The following MMP26 variants were observed in gnomAD, a reference collection of about 807,000 sequenced individuals.
MMP26 encodes the protein matrix metallopeptidase 26, also known as matrix metalloproteinase-26.
Under a neutral mutation model 31.0 loss-of-function variants are expected in MMP26, and 33 were observed. The ratio of observed to expected loss-of-function variants is 1.06; its 90% CI spans 0.81 to 1.42. The LOEUF (loss-of-function observed/expected upper bound fraction) is 1.42, where lower values mean the gene tolerates loss of function less well. MMP26 is among the 40% of genes most tolerant of loss of function. The pLI, the probability that MMP26 is intolerant of heterozygous loss-of-function variation, is 0.00. For missense variants in MMP26, 347 were observed against 316.1 expected (o/e 1.10, Z -0.74); for synonymous variants, 122 against 114.9 (o/e 1.06, Z -0.40).
rs71050424 is a variant in MMP26, at chr11:4,716,650, CTTTTTTTTTTTTT to C, written c.-217+11621_-217+11633del. Among the ~76,000 whole-genome samples the C allele has an allele frequency of 1.2e-4, 8 of 65,042 alleles. 1 individual carries two copies. The South Asian group carries it at 3.2e-3, about 26-fold the overall frequency. The allele number at this position is 65,042 out of a possible 152,430, so 42.7% of individuals were successfully genotyped here. On this transcript the variant is annotated intron_variant, in intron 1 of 7. Transcript: ENST00000380390. ...ATTCCATACTTGATCTCTCTTACCT[CTTTTTTTTTTTTT>C]TTTTTTTTTTTTTTTGAGATGGAGT...
chr11:4,904,730 C>G (rs1316589159), intron 2 of MMP26, among the ~76,000 whole-genome samples: 1 of 151,934 alleles, frequency 6.6e-6, no homozygotes, highest in African/African-American at 2.4e-5. Flanking sequence ...AAAGAATGGA[C>G]ATCAATATCC....
intron 2 of MMP26, chr11:4,915,296 A>G: frequency 1.2e-6 from 2 of 1,614,060 alleles, no homozygotes; most frequent in East Asian, 2.2e-5. Flanking sequence ...GTCAAAGGCC[A>G]TAGACAGTAG....
At chr11:4,985,601 A>G (rs1392879068) in intron 2 of MMP26, among the ~76,000 whole-genome samples, 2 of 152,188 alleles carry the variant, frequency 1.3e-5, no homozygotes, top group African/African-American at 2.4e-5. Flanking sequence ...GATTATTTAT[A>G]TGCTCATTTG....
intron 1 of MMP26, among the ~76,000 whole-genome samples, chr11:4,745,019 A>G (rs191227830): frequency 7.0e-4 from 106 of 152,286 alleles, no homozygotes; most frequent in Non-Finnish European, 1.1e-3. Flanking sequence ...TATTATACAT[A>G]GTTTCATGTA....
chr11:4,736,597 A>C (rs1287053637), intron 1 of MMP26: 2 of 152,244 alleles, frequency 1.3e-5, no homozygotes, highest in Non-Finnish European at 2.9e-5. Flanking sequence ...CTTTGGCAGA[A>C]GGACATGTTT....
intron 2 of MMP26, among the ~76,000 whole-genome samples, chr11:4,841,247 A>G (rs910052266): frequency 6.6e-6 from 1 of 152,198 alleles, no homozygotes; most frequent in Non-Finnish European, 1.5e-5. Context: ...GAGTTAGAAA[A>G]TTTATTTAAA....
intron 2 of MMP26, chr11:4,909,324 A>G (rs1850955268): frequency 6.6e-6 from 1 of 152,200 alleles, no homozygotes; most frequent in African/African-American, 2.4e-5. Context: ...AGGGGGGCAA[A>G]CAAGATTGAT....
intron 2 of MMP26, among the ~76,000 whole-genome samples, chr11:4,854,212 C>T (rs1850015989): frequency 6.6e-6 from 1 of 152,116 alleles, no homozygotes; most frequent in Non-Finnish European, 1.5e-5. Context: ...CTCACTGGGG[C>T]TTGTTGGACA....
At chr11:4,751,608 G>GCTTT (rs1848447639) in intron 1 of MMP26, among the ~76,000 whole-genome samples, 1 of 152,142 alleles carries the variant, frequency 6.6e-6, no homozygotes, top group Non-Finnish European at 1.5e-5. Flanking sequence ...AAACTTTAAA[G>GCTTT]AAAGTTTAAG....
At chr11:4,914,777 A>G (rs760175035) in intron 2 of MMP26, 16 of 1,614,070 alleles carry the variant, frequency 9.9e-6, no homozygotes, top group Non-Finnish European at 1.4e-5. Context: ...CACACTGTAG[A>G]CAATGGGATT....
chr11:4,943,788 A>G (rs1349511266), intron 2 of MMP26: 3 of 416,572 alleles, frequency 7.2e-6, no homozygotes, highest in African/African-American at 4.2e-5. Flanking sequence ...TATGCTGACC[A>G]TAAATCTTCA....
At chr11:4,851,686 G>A (rs575098867) in intron 2 of MMP26, among the ~76,000 whole-genome samples, 1 of 151,630 alleles carries the variant, frequency 6.6e-6, no homozygotes, top group East Asian at 1.9e-4. Flanking sequence ...ACAAGGGGGA[G>A]GAATTAAACA....
Position 4,782,824 on chromosome 11 carries a change from G to C in MMP26, c.-145+15483G>C, listed in dbSNP as rs1848882479. 3.9e-5 allele frequency among the ~76,000 whole-genome samples: 6 copies of C among 152,246 alleles called. No individual in the cohort carries two copies. The South Asian group carries it at 1.2e-3, about 31-fold the overall frequency. On this transcript the variant is annotated intron_variant, in intron 2 of 7. Transcript: ENST00000380390. Reference sequence around the variant, plus strand: ...CATGGCTGAAAGGGGCCAATGTAGAGCTGTGGCTGTGGCTTCAGAGGGTGC... The same window carrying C: ...CATGGCTGAAAGGGGCCAATGTAGACCTGTGGCTGTGGCTTCAGAGGGTGC...
At chr11:4,821,029 T>C (rs1849489358) in intron 2 of MMP26, among the ~76,000 whole-genome samples, 1 of 152,168 alleles carries the variant, frequency 6.6e-6, no homozygotes, top group African/African-American at 2.4e-5. Context: ...TGCTCAGTGT[T>C]TTATTCCAGA....
intron 2 of MMP26, chr11:4,907,875 G>T (rs1850925703): frequency 6.2e-7 from 1 of 1,613,926 alleles, no homozygotes; most frequent in Non-Finnish European, 8.5e-7. Context: ...TTAAAATATT[G>T]TCAAAAGAAT....
At chr11:4,931,298 T>A (rs75341127) in intron 2 of MMP26, among the ~76,000 whole-genome samples, 52 of 152,198 alleles carry the variant, frequency 3.4e-4, no homozygotes, top group Non-Finnish European at 6.2e-4. Flanking sequence ...TCTGAATTGG[T>A]AAACATCCCA....
intron 2 of MMP26, among the ~76,000 whole-genome samples, chr11:4,867,716 G>T (rs1222029549): frequency 6.6e-6 from 1 of 151,954 alleles, no homozygotes; most frequent in Non-Finnish European, 1.5e-5. Context: ...TAGTCAGAAT[G>T]GCTATTACTA....
chr11:4,925,037 G>T (rs1320332214), intron 2 of MMP26, among the ~76,000 whole-genome samples: 1 of 152,164 alleles, frequency 6.6e-6, no homozygotes, highest in East Asian at 1.9e-4. Flanking sequence ...AATCCTAAAA[G>T]ATAACATTTA....
At chr11:4,855,830 G>A (rs544084702) in intron 2 of MMP26, among the ~76,000 whole-genome samples, 24 of 152,236 alleles carry the variant, frequency 1.6e-4, no homozygotes, top group South Asian at 1.0e-3. Context: ...GAGAAAGGTC[G>A]CGTTACCCAC....
Sources: gnomAD v4.1 joint callset for allele counts (sites outside exome capture counted in the v4.1 genomes callset) on GRCh38, gnomAD v4.1.1 for gene constraint, MANE v1.5 for transcripts, NCBI Gene and HGNC (gene_info 2026-07-23, HGNC 2026-07-21) for gene names.